DEDD: variants seen among roughly 807,000 people sequenced by gnomAD.
The protein encoded by DEDD is death effector domain-containing protein.
DEDD carries 3 observed loss-of-function variants against 29.2 expected under a neutral mutation model. The observed-to-expected ratio is 0.10, with a 90% CI of 0.05 to 0.27. The LOEUF is 0.27. DEDD is among the 10% of genes least tolerant of loss of function. The probability of loss-of-function intolerance (pLI) is 1.00; values close to 1 mark genes in which losing one functional copy is unlikely to be tolerated. For missense variants in DEDD, 261 were observed against 420.5 expected (o/e 0.62, Z 3.32); for synonymous variants, 152 against 161.3 (o/e 0.94, Z 0.44).
intron 2 of DEDD, chr1:161,125,538 G>T (rs2101750334): frequency 6.6e-6 from 1 of 151,620 alleles, no homozygotes; most frequent in South Asian, 2.1e-4. Flanking sequence ...GTCTCACTTT[G>T]TCACCCAGGC....
intron 2 of DEDD, among the ~76,000 whole-genome samples, chr1:161,129,539 CA>C (rs71579693): frequency 0.1 from 7,225 of 70,250 alleles, 186 homozygotes; most frequent in Middle Eastern, 0.18. Context: ...GACCTTGCCT[CA>C]AAAAAAAAAA....
chr1:161,124,670 A>C, intron 2 of DEDD, 144 bp from the exon 3 acceptor site: 1 of 1,135,170 alleles, frequency 8.8e-7, no homozygotes, highest in Non-Finnish European at 1.2e-6. Context: ...TTTGTTTAAA[A>C]ATAAACACTG....
intron 3 of DEDD, 70 bp from the exon 4 acceptor site, chr1:161,124,016 G>A: frequency 3.1e-6 from 5 of 1,588,454 alleles, no homozygotes; most frequent in Non-Finnish European, 3.4e-6. Flanking sequence ...ACCCCCAGTG[G>A]GCCTCACAAC....
chr1:161,130,598 T>C (rs1656589537), intron 2 of DEDD, among the ~76,000 whole-genome samples: 1 of 152,114 alleles, frequency 6.6e-6, no homozygotes, highest in South Asian at 2.1e-4. Context: ...AGCTGGGGGA[T>C]TGTCCCAAGA....
intron 3 of DEDD, 52 bp from the exon 4 acceptor site, chr1:161,123,998 C>A: frequency 6.3e-7 from 1 of 1,598,738 alleles, no homozygotes. Flanking sequence ...TCCCTTCTGT[C>A]AGTCCAAACC....
chr1:161,129,479 C>T (rs1439470762), intron 2 of DEDD, among the ~76,000 whole-genome samples: 1 of 151,128 alleles, frequency 6.6e-6, no homozygotes, highest in Non-Finnish European at 1.5e-5. Context: ...TACCTGTGGT[C>T]CCAGCTACTC....
At chr1:161,123,566 G>C (rs529290378) in intron 4 of DEDD, among the ~76,000 whole-genome samples, 3 of 151,252 alleles carry the variant, frequency 2.0e-5, no homozygotes, top group African/African-American at 4.9e-5. Context: ...CACCTGGGAA[G>C]TGGGGCTTGC....
At chr1:161,128,983 G>A (rs1373072013) in intron 2 of DEDD, among the ~76,000 whole-genome samples, 1 of 152,146 alleles carries the variant, frequency 6.6e-6, no homozygotes, top group East Asian at 1.9e-4. Context: ...GGTCTACTTT[G>A]ACCTAGTTCA....
chr1:161,126,996 C>T (rs1656248713), intron 2 of DEDD, among the ~76,000 whole-genome samples: 1 of 152,176 alleles, frequency 6.6e-6, no homozygotes, highest in Admixed American at 6.5e-5. Flanking sequence ...CTCCTTTACA[C>T]CATTTATCAC....
At chr1:161,132,202 T>G (rs1656743872) in intron 1 of DEDD, 1 of 154,448 alleles carries the variant, frequency 6.5e-6, no homozygotes, top group Non-Finnish European at 1.4e-5. Flanking sequence ...CTCCTGCTCC[T>G]ACCCCCTTCA....
In DEDD at chr1:161,122,560, C is replaced by T. The variant is rs1340930953; in HGVS notation, c.581-37G>A. 2 of 1,590,154 alleles carry T rather than the reference C, an allele frequency of 1.3e-6. No individual in the cohort carries two copies. The highest frequency in any genetic ancestry group is 1.7e-6 in the Non-Finnish European group (2 of 1,165,956). On this transcript the variant is annotated intron_variant, in intron 5 of 5. Coordinates refer to ENST00000368006, the MANE Select transcript of DEDD (RefSeq NM_032998.3). This position sits in a 1 kb window ranked among gnomAD's most constrained non-coding sequence, Gnocchi z 4.2. ...AGAAGATACAGAGCAGAAGAGGTTA[C>T]AGTAAGGGATGAGTTTACAAGCCAA...
At position 161,124,214 on chromosome 1, in the gene DEDD, G is replaced by C; in HGVS notation, c.249C>G (p.Arg83=). ...TGATGCGCAGCAGCTGCAGCACCTG[G>C]CGAAAGTTACTTTCATCACAGCGGC... ...RQGRCDESNF[R]QVLQLLRIIT... Residue 83 remains arginine, a synonymous_variant, in exon 3 of 6, where the codon CGC becomes CGG. Transcript: ENST00000368006. 1 of 1,614,222 alleles carries C rather than the reference G, an allele frequency of 6.2e-7. No homozygotes were observed. Among genetic ancestry groups the C allele is most frequent in the Non-Finnish European group, 8.5e-7 (1 of 1,180,050 alleles).
intron 1 of DEDD, among the ~76,000 whole-genome samples, chr1:161,131,447 C>G (rs1656661354): frequency 6.6e-6 from 1 of 152,194 alleles, no homozygotes; most frequent in Admixed American, 6.5e-5. Flanking sequence ...CTACAGCACT[C>G]ATTTAATTAA....
chr1:161,124,281 A>G lies in DEDD; in HGVS notation c.182T>C (p.Ile61Thr). 3 of 1,614,222 alleles carry G rather than the reference A, an allele frequency of 1.9e-6. No individual in the cohort carries two copies. The highest frequency in any genetic ancestry group is 2.5e-6 in the Non-Finnish European group (3 of 1,180,042). The change falls in exon 3 of 6, where the codon ATC (isoleucine) becomes ACC (threonine). Residue 61 changes from isoleucine to threonine, a missense_variant. By Grantham distance (89) the Ile-to-Thr change is moderately conservative. Transcript: ENST00000368006. ...DVIDDHERGL[I>T]RNGRDFLLAL... ...CAATAAGAAGTCACGTCCATTTCGG[A>G]TGAGTCCACGCTCGTGGTCATCAAT...
At chr1:161,128,516 G>A (rs193041400) in intron 2 of DEDD, among the ~76,000 whole-genome samples, 7 of 152,200 alleles carry the variant, frequency 4.6e-5, no homozygotes, top group East Asian at 3.9e-4. Context: ...TAGAAGAATC[G>A]CTTGAGCCTG....
rs1164261083 is a variant in DEDD at position 161,122,875 on chromosome 1, T to G, written c.580+200A>C. ...TAACAACATCCCTGTGATGTAGTATTAACTAACAAGAGTTGAAATGTACCC... is the reference window on the plus strand; with the variant it reads ...TAACAACATCCCTGTGATGTAGTATGAACTAACAAGAGTTGAAATGTACCC... On this transcript the variant is annotated intron_variant, in intron 5 of 5. Coordinates refer to ENST00000368006, the MANE Select transcript of DEDD (RefSeq NM_032998.3). This position sits in a 1 kb window ranked among gnomAD's most constrained non-coding sequence, Gnocchi z 4.2. 5 of 957,586 alleles carry G rather than the reference T, an allele frequency of 5.2e-6. No individual in the cohort carries two copies. Among genetic ancestry groups the G allele is most frequent in the Non-Finnish European group, 8.0e-6 (5 of 623,192 alleles). 59.3% of individuals were successfully genotyped at this position (957,586 alleles called of 1,614,324 possible). A position where few individuals can be genotyped will look rare whatever the true frequency, so the allele number is the denominator to read the frequency against.
chr1:161,123,373 C>T, intron 4 of DEDD, 152 bp from the exon 5 acceptor site: 1 of 782,110 alleles, frequency 1.3e-6, no homozygotes, highest in Non-Finnish European at 2.0e-6. Flanking sequence ...GGTGCAGTGG[C>T]TCACGCCTGT....
rs1328722153 is a variant in DEDD, at chr1:161,122,933, G to C, written c.580+142C>G. The C allele has an allele frequency of 2.6e-6, 4 of 1,512,816 alleles. No individual in the cohort carries two copies. Among genetic ancestry groups the C allele is most frequent in the Admixed American group, 3.4e-5 (2 of 59,620 alleles). 93.7% of individuals were successfully genotyped at this position (1,512,816 alleles called of 1,614,324 possible). A position where few individuals can be genotyped will look rare whatever the true frequency, so the allele number is the denominator to read the frequency against. On this transcript the variant is annotated intron_variant, in intron 5 of 5. Transcript: ENST00000368006. The surrounding 1 kb of genome is among the most constrained non-coding windows in gnomAD (Gnocchi z 4.2). The stretch of plus-strand genomic sequence containing the variant: ...ATCATAAAGAGCAGTTCTTCCACCA[G>C]ACACCAAACCATTCAGCCTCACTTT...
chr1:161,123,344 GA>G, intron 4 of DEDD, 123 bp from the exon 5 acceptor site: 1 of 995,416 alleles, frequency 1.0e-6, no homozygotes, highest in Non-Finnish European at 1.5e-6. Flanking sequence ...AATGTGACTT[GA>G]AAAGACATGT....
Sources: gnomAD v4.1 joint callset for allele counts (sites outside exome capture counted in the v4.1 genomes callset) on GRCh38, gnomAD v4.1.1 for gene constraint, Gnocchi (gnomAD v3.1) non-coding constraint, MANE v1.5 for transcripts, NCBI Gene and HGNC (gene_info 2026-07-23, HGNC 2026-07-21) for gene names.